The following RFC2 variants were observed in gnomAD, a reference collection of about 807,000 sequenced individuals.
The protein encoded by RFC2 is replication factor C subunit 2.
A neutral mutation model predicts 44.8 loss-of-function variants in RFC2; 34 were observed. The observed-to-expected ratio is 0.76, with a 90% CI of 0.58 to 1.01. RFC2 has a LOEUF of 1.01. Ranked by LOEUF, RFC2 falls within the 50% of genes least tolerant of loss-of-function variation. RFC2 has a pLI of 0.00. For synonymous variants in RFC2, 177 were observed against 168.9 expected (o/e 1.05, Z -0.37); for missense variants, 400 against 453.6 (o/e 0.88, Z 1.07).
chr7:74,249,538 T>C (rs1803813000), intron 3 of RFC2, among the ~76,000 whole-genome samples: 1 of 150,082 alleles, frequency 6.7e-6, no homozygotes, highest in African/African-American at 2.5e-5. Flanking sequence ...GAGACTCCGT[T>C]TCAGAAAAAA....
intron 5 of RFC2, 74 bp from the exon 6 acceptor site, chr7:74,243,320 C>A: frequency 9.8e-7 from 1 of 1,016,710 alleles, no homozygotes; most frequent in Non-Finnish European, 1.6e-6. Flanking sequence ...ATACAAAAAC[C>A]CAGGACATAA....
Position 74,237,390 on chromosome 7 carries a change from A to G in RFC2, c.812T>C (p.Val271Ala). The change falls in exon 9 of 11, where the codon GTG becomes GCG. Residue 271 changes from valine (V) to alanine (A), a missense_variant. By Grantham distance (64) the Val-to-Ala change is moderately conservative. Transcript: ENST00000055077. ...LLVKEMIQHC[V>A]NANIDEAYKI... ...GTAGGCTTCGTCAATGTTGGCATTCACACAGTGCTGGATCATCTCCTTTAC... is the reference window on the plus strand; with the variant it reads ...GTAGGCTTCGTCAATGTTGGCATTCGCACAGTGCTGGATCATCTCCTTTAC... The G allele has an allele frequency of 1.2e-6, 2 of 1,606,284 alleles. No individual in the cohort carries two copies. Among genetic ancestry groups the G allele is most frequent in the Non-Finnish European group, 1.7e-6 (2 of 1,176,904 alleles).
chr7:74,240,523 G>T (rs868989174), intron 6 of RFC2, among the ~76,000 whole-genome samples: 1 of 139,518 alleles, frequency 7.2e-6, no homozygotes, highest in Non-Finnish European at 1.5e-5. Flanking sequence ...AAAAAAAAAA[G>T]AGAGAGAGAG....
At chr7:74,243,701 A>G (rs567099196) in intron 5 of RFC2, among the ~76,000 whole-genome samples, 1 of 150,732 alleles carries the variant, frequency 6.6e-6, no homozygotes, top group African/African-American at 2.4e-5. Flanking sequence ...CCTGGGCTCA[A>G]GCAATCCTCC....
In RFC2 at chr7:74,239,044, T is replaced by C. The variant is rs143023133; in HGVS notation, c.694-56A>G. Reference sequence around the variant, plus strand: ...ATTTTTATATTTATTTCTTTTTGAGTAGAGACAGGAGTCTCGCTATGTTGC... The same window carrying C: ...ATTTTTATATTTATTTCTTTTTGAGCAGAGACAGGAGTCTCGCTATGTTGC... On this transcript the variant is annotated intron_variant, in intron 7 of 10. Coordinates refer to ENST00000055077, the MANE Select transcript of RFC2 (RefSeq NM_181471.3). The C allele has an allele frequency of 1.7e-4, 242 of 1,433,474 alleles. 1 individual carries two copies. The African/African-American group carries it at 2.9e-3, about 17-fold the overall frequency. The allele number at this position is 1,433,474 out of a possible 1,614,324, so 88.8% of individuals were successfully genotyped here.
chr7:74,249,917 G>C (rs541044289), intron 2 of RFC2, 137 bp from the exon 3 acceptor site: 2 of 754,242 alleles, frequency 2.7e-6, no homozygotes, highest in Non-Finnish European at 4.8e-6. Flanking sequence ...CTAGCAGTTT[G>C]GGAGGCCAAG....
chr7:74,254,233 G>T, intron 1 of RFC2, 38 bp downstream of exon 1: 2 of 1,494,270 alleles, frequency 1.3e-6, no homozygotes, highest in Non-Finnish European at 9.3e-7. Flanking sequence ...CCACCCTCAC[G>T]TCCAAACGCG....
intron 1 of RFC2, among the ~76,000 whole-genome samples, chr7:74,253,047 C>T (rs879992981): frequency 6.6e-6 from 1 of 152,188 alleles, no homozygotes; most frequent in Non-Finnish European, 1.5e-5. Context: ...AGCAGAGAAA[C>T]ACCTGTTGCT....
intron 6 of RFC2, among the ~76,000 whole-genome samples, chr7:74,242,372 T>C (rs1426246028): frequency 6.6e-6 from 1 of 152,148 alleles, no homozygotes; most frequent in Admixed American, 6.6e-5. Context: ...AAGCTCGTTT[T>C]CTTTCTCTTT....
At chr7:74,249,934 C>T in intron 2 of RFC2, 154 bp from the exon 3 acceptor site, 1 of 701,726 alleles carries the variant, frequency 1.4e-6, no homozygotes, top group Non-Finnish European at 2.6e-6. Context: ...CAAGGCAGGA[C>T]AATCACTTGA....
chr7:74,250,930 A>G (rs112035349), intron 2 of RFC2, among the ~76,000 whole-genome samples: 93 of 152,216 alleles, frequency 6.1e-4, no homozygotes, highest in African/African-American at 2.2e-3. Context: ...CTGGGATTAC[A>G]GACGCCCACC....
intron 2 of RFC2, among the ~76,000 whole-genome samples, chr7:74,250,709 A>T (rs1786880050): frequency 6.6e-6 from 1 of 152,116 alleles, no homozygotes; most frequent in Non-Finnish European, 1.5e-5. Flanking sequence ...TCAATGGGCC[A>T]TTAAGTGGTC....
chr7:74,234,145 G>A (rs1472128426), intron 10 of RFC2, among the ~76,000 whole-genome samples: 2 of 152,176 alleles, frequency 1.3e-5, no homozygotes, highest in South Asian at 2.1e-4. Flanking sequence ...CTCATGGATA[G>A]AAGTACCAGC....
chr7:74,240,812 T>C (rs1261519160), intron 6 of RFC2, among the ~76,000 whole-genome samples: 4 of 152,158 alleles, frequency 2.6e-5, no homozygotes, highest in African/African-American at 4.8e-5. Flanking sequence ...TTTTTTTTCA[T>C]AGACAGGGTT....
intron 6 of RFC2, 53 bp from the exon 7 acceptor site, chr7:74,240,148 C>A: frequency 6.5e-7 from 1 of 1,541,660 alleles, no homozygotes; most frequent in Non-Finnish European, 8.9e-7. Flanking sequence ...CGGCATCATC[C>A]TGCTAGCTCT....
rs192505069 is a variant in RFC2 at position 74,246,217 on chromosome 7, A to G, written c.434+445T>C. Among the ~76,000 whole-genome samples, 98 of 150,834 alleles carry G rather than the reference A, an allele frequency of 6.5e-4. 2 individuals are homozygous for G. In the East Asian group the frequency reaches 0.017, roughly 26 times the overall value. ...TCTCAAAAAAAAAATAAATAAATAA[A>G]TACAAATACAAATACAAATACAAAT... is the stretch of plus-strand genomic sequence containing the variant. On this transcript the variant is annotated intron_variant, in intron 5 of 10. Transcript: ENST00000055077.
intron 6 of RFC2, among the ~76,000 whole-genome samples, chr7:74,242,902 G>A (rs572966191): frequency 3.8e-4 from 57 of 150,824 alleles, no homozygotes; most frequent in Admixed American, 8.0e-4. Flanking sequence ...CAGCCTAGGC[G>A]ACAGAGTGAG....
At chr7:74,236,040 CT>C (rs1414466656) in intron 9 of RFC2, among the ~76,000 whole-genome samples, 3 of 152,100 alleles carry the variant, frequency 2.0e-5, no homozygotes, top group African/African-American at 7.2e-5. Context: ...TCTTAAAATG[CT>C]TTATTAATCT....
At chr7:74,236,086 C>T (rs1802998857) in intron 9 of RFC2, among the ~76,000 whole-genome samples, 1 of 152,154 alleles carries the variant, frequency 6.6e-6, no homozygotes, top group African/African-American at 2.4e-5. Flanking sequence ...AAAAGCAGAC[C>T]ATTCATCTGC....
Sources: allele counts gnomAD v4.1 joint callset (sites outside exome capture counted in the v4.1 genomes callset), GRCh38; gene constraint gnomAD v4.1.1; transcripts MANE v1.5; gene names NCBI Gene and HGNC (gene_info 2026-07-23, HGNC 2026-07-21).